SEMA6D: variants seen among roughly 807,000 people sequenced by gnomAD.
SEMA6D encodes semaphorin 6D.
SEMA6D carries 35 observed loss-of-function variants against 106.6 expected under a neutral mutation model. The ratio of observed to expected loss-of-function variants is 0.33; its 90% CI spans 0.25 to 0.44. The LOEUF (loss-of-function observed/expected upper bound fraction) is 0.44, where lower values mean the gene tolerates loss of function less well. Ranked by LOEUF, SEMA6D falls within the 20% of genes least tolerant of loss-of-function variation. The probability of loss-of-function intolerance (pLI) is 1.00; values close to 1 mark genes in which losing one functional copy is unlikely to be tolerated. For missense variants in SEMA6D, 1,185 were observed against 1,345.9 expected (o/e 0.88, Z 1.87); for synonymous variants, 499 against 487.7 (o/e 1.02, Z -0.31).
chr15:47,765,236 A>G, intron 13 of SEMA6D, 180 bp downstream of exon 13: 8 of 1,391,468 alleles, frequency 5.7e-6, no homozygotes, highest in Non-Finnish European at 6.5e-6. Flanking sequence ...TGCTAGGGCG[A>G]GGGGGGTGAA....
At chr15:47,238,466 A>C (rs2032697112) in intron 1 of SEMA6D, among the ~76,000 whole-genome samples, 1 of 152,112 alleles carries the variant, frequency 6.6e-6, no homozygotes, top group Non-Finnish European at 1.5e-5. Flanking sequence ...TTAAACTTAG[A>C]TACAAAGCCA....
chr15:47,242,430 C>T (rs997639668), intron 1 of SEMA6D, among the ~76,000 whole-genome samples: 5 of 152,140 alleles, frequency 3.3e-5, no homozygotes, highest in African/African-American at 1.2e-4. Context: ...CTGAATTTTC[C>T]TCCCAGTTGT....
At chr15:47,353,986 C>T (rs990562317) in intron 1 of SEMA6D, among the ~76,000 whole-genome samples, 1 of 151,848 alleles carries the variant, frequency 6.6e-6, no homozygotes, top group African/African-American at 2.4e-5. Flanking sequence ...AAACAGAACT[C>T]AAAATATTAT....
intron 2 of SEMA6D, among the ~76,000 whole-genome samples, chr15:47,448,896 T>G (rs1003765700): frequency 1.3e-5 from 2 of 152,140 alleles, no homozygotes; most frequent in African/African-American, 4.8e-5. Flanking sequence ...TTCAGAACTT[T>G]CTGGGAGTCA....
At position 47,547,761 on chromosome 15, in the gene SEMA6D, AC is replaced by A. The variant is rs545160616; in HGVS notation, c.-86-53102del. Among the ~76,000 whole-genome samples, 12 of 152,224 alleles carry A rather than the reference AC, an allele frequency of 7.9e-5. No homozygotes were observed. In the South Asian group the frequency reaches 2.3e-3, roughly 29 times the overall value. On this transcript the variant is annotated intron_variant, in intron 3 of 19. Coordinates refer to the SEMA6D transcript ENST00000558014. ...CCACGTTGGCCTAAAGCCTCTTAAAACCTTATAAAAATGTATGTCTAAAGCA... is the reference window on the plus strand; with the variant it reads ...CCACGTTGGCCTAAAGCCTCTTAAAACTTATAAAAATGTATGTCTAAAGCA...
At chr15:47,679,401 C>T (rs928525873) in intron 4 of SEMA6D, among the ~76,000 whole-genome samples, 10 of 152,126 alleles carry the variant, frequency 6.6e-5, no homozygotes, top group African/African-American at 2.4e-4. Flanking sequence ...TACATATTTT[C>T]TGGCTGAGAA....
chr15:47,762,362 A>T, intron 8 of SEMA6D, 43 bp downstream of exon 8: 1 of 1,606,178 alleles, frequency 6.2e-7, no homozygotes, highest in Non-Finnish European at 8.5e-7. Flanking sequence ...AGGATAGTGG[A>T]TGGCCCAAGT....
intron 1 of SEMA6D, among the ~76,000 whole-genome samples, chr15:47,327,802 T>C (rs1300117417): frequency 6.6e-6 from 1 of 152,158 alleles, no homozygotes; most frequent in Non-Finnish European, 1.5e-5. Flanking sequence ...AGGAGTGCTT[T>C]GCAGGCAAGC....
At chr15:47,675,302 G>C (rs1417323764) in intron 4 of SEMA6D, among the ~76,000 whole-genome samples, 1 of 152,136 alleles carries the variant, frequency 6.6e-6, no homozygotes, top group Non-Finnish European at 1.5e-5. Flanking sequence ...TGGAGAGAGA[G>C]CCTTTAAAGA....
intron 4 of SEMA6D, among the ~76,000 whole-genome samples, chr15:47,705,296 T>C (rs1442235275): frequency 1.3e-5 from 2 of 152,216 alleles, no homozygotes; most frequent in Admixed American, 6.5e-5. Context: ...CACTGGACTT[T>C]GGTAATATCT....
At position 47,763,056 on chromosome 15, in the gene SEMA6D, CTA is replaced by C; in HGVS notation, c.701_702del (p.Tyr234PhefsTer11). 6.2e-7 allele frequency: 1 copy of C among 1,612,294 alleles called. No homozygotes were observed. The highest frequency in any genetic ancestry group is 1.7e-4 in the Middle Eastern group (1 of 6,046). On this transcript the variant is annotated frameshift_variant, in exon 9 of 19. Coordinates refer to ENST00000536845, the MANE Select transcript of SEMA6D (RefSeq NM_001358351.3). LOFTEE classifies it high-confidence loss of function. ...LHAIEYGNYVYFFFREIAVEH... is the reference protein window; with the variant it reads ...LHAIEYGNYVXFFFREIAVEH... Reference sequence around the variant, plus strand: ...ATGCCATAGAATATGGAAACTATGTCTATTTCTTCTTTCGAGAAATCGCTGTC... The same window carrying C: ...ATGCCATAGAATATGGAAACTATGTCTTTCTTCTTTCGAGAAATCGCTGTC...
chr15:47,665,628 G>A (rs1229881740), intron 4 of SEMA6D, among the ~76,000 whole-genome samples: 2 of 152,120 alleles, frequency 1.3e-5, no homozygotes, highest in Admixed American at 1.3e-4. Flanking sequence ...TGGCCAACAT[G>A]GTGAAATCCC....
At chr15:47,256,412 A>T (rs2033805285) in intron 1 of SEMA6D, among the ~76,000 whole-genome samples, 1 of 152,196 alleles carries the variant, frequency 6.6e-6, no homozygotes, top group Non-Finnish European at 1.5e-5. Context: ...TACAGGTCGC[A>T]TAACAGTTTT....
chr15:47,538,034 G>C (rs2045230680), intron 3 of SEMA6D, among the ~76,000 whole-genome samples: 1 of 152,154 alleles, frequency 6.6e-6, no homozygotes, highest in Non-Finnish European at 1.5e-5. Flanking sequence ...TCAAGGAGAT[G>C]ATTCAGAAAG....
At chr15:47,454,218 C>T (rs910097482) in intron 2 of SEMA6D, among the ~76,000 whole-genome samples, 5 of 151,954 alleles carry the variant, frequency 3.3e-5, no homozygotes, top group Admixed American at 6.6e-5. Flanking sequence ...GTTTATAATA[C>T]ACCTAAAAAT....
At chr15:47,548,215 T>C (rs1471336662) in intron 3 of SEMA6D, among the ~76,000 whole-genome samples, 6 of 152,088 alleles carry the variant, frequency 3.9e-5, no homozygotes. Context: ...GATCAAATGG[T>C]TGGAAACACA....
At position 47,771,125 on chromosome 15, in the gene SEMA6D, A is replaced by G. The variant is rs779454316; in HGVS notation, c.2562A>G (p.Gln854=). 1.2e-6 allele frequency: 2 copies of G among 1,614,124 alleles called. No individual in the cohort carries two copies. Among genetic ancestry groups the G allele is most frequent in the Non-Finnish European group, 1.7e-6 (2 of 1,179,996 alleles). The change falls in exon 19 of 19, where the codon CAA becomes CAG. Residue 854 remains glutamine, a synonymous_variant. Transcript: ENST00000536845. ...SNAHKAEKKL[Q]NIDHPLTKSS... is the part of the protein sequence containing the mutation. ...CTCACAAAGCTGAAAAGAAGCTTCA[A>G]AACATTGATCACCCTCTCACAAAGT...
intron 1 of SEMA6D, among the ~76,000 whole-genome samples, chr15:47,258,653 G>A (rs910139287): frequency 1.3e-5 from 2 of 152,042 alleles, no homozygotes; most frequent in African/African-American, 4.8e-5. Context: ...CCAGTTCTCA[G>A]GCCTTTGGAC....
At chr15:47,563,449 C>T (rs548987872) in intron 3 of SEMA6D, among the ~76,000 whole-genome samples, 1 of 152,290 alleles carries the variant, frequency 6.6e-6, no homozygotes, top group South Asian at 2.1e-4. Context: ...TCTTGAAATG[C>T]TATGGCTCCT....
Sources: gnomAD v4.1 joint callset for allele counts (sites outside exome capture counted in the v4.1 genomes callset) on GRCh38, gnomAD v4.1.1 for gene constraint, MANE v1.5 for transcripts, NCBI Gene and HGNC (gene_info 2026-07-23, HGNC 2026-07-21) for gene names.